The following ALDH1L2 variants were observed in gnomAD, a reference collection of about 807,000 sequenced individuals.
ALDH1L2 encodes the protein mitochondrial 10-formyltetrahydrofolate dehydrogenase.
Under a neutral mutation model 111.0 loss-of-function variants are expected in ALDH1L2, and 91 were observed. That is an observed-to-expected ratio of 0.82 (90% confidence interval 0.69 to 0.98). The LOEUF (loss-of-function observed/expected upper bound fraction) is 0.98, where lower values mean the gene tolerates loss of function less well. ALDH1L2 is among the 50% of genes least tolerant of loss of function. The probability of loss-of-function intolerance (pLI) is 0.00; values close to 1 mark genes in which losing one functional copy is unlikely to be tolerated. For synonymous variants in ALDH1L2, 374 were observed against 392.6 expected (o/e 0.95, Z 0.56); for missense variants, 995 against 1,126.8 (o/e 0.88, Z 1.67).
At chr12:105,068,105 T>A (rs1363582127) in intron 4 of ALDH1L2, among the ~76,000 whole-genome samples, 2 of 152,200 alleles carry the variant, frequency 1.3e-5, no homozygotes, top group African/African-American at 4.8e-5. Flanking sequence ...AAAGCACTGC[T>A]TTCCTCTCTC....
In ALDH1L2 at chr12:105,052,743, C is replaced by G. The variant is rs1455780495; in HGVS notation, c.1407+69G>C. The stretch of plus-strand genomic sequence containing the variant: ...ATAAAAGGGCTTCTTAAGACTGCCT[C>G]TTTTACAATGGTGTATTAACTAAAA... On this transcript the variant is annotated intron_variant, in intron 11 of 22. Coordinates refer to ENST00000258494, the MANE Select transcript of ALDH1L2 (RefSeq NM_001034173.4). 9 of 1,591,128 alleles carry G rather than the reference C, an allele frequency of 5.7e-6. No homozygotes were observed. In the East Asian group the frequency reaches 2.0e-4, roughly 36 times the overall value.
Position 105,064,642 on chromosome 12 carries a change from TA to T in ALDH1L2, c.786+624del, listed in dbSNP as rs533463500. Among the ~76,000 whole-genome samples the T allele has an allele frequency of 2.1e-4, 32 of 152,206 alleles. No individual in the cohort carries two copies. In the South Asian group the frequency reaches 5.4e-3, roughly 26 times the overall value. ...AATATATGATGTGCGATGCCAGAGG[TA>T]GGCAGAGTGTTGCTGGAACCCAGAG... On this transcript the variant is annotated intron_variant, in intron 6 of 22. Transcript: ENST00000258494.
At chr12:105,062,843 G>T in intron 7 of ALDH1L2, 45 bp downstream of exon 7, 1 of 1,584,674 alleles carries the variant, frequency 6.3e-7, no homozygotes, top group Non-Finnish European at 8.6e-7. Context: ...GGTTATAGAA[G>T]AAAATCAAAA....
intron 10 of ALDH1L2, 76 bp from the exon 11 acceptor site, chr12:105,053,007 T>C: frequency 1.3e-6 from 2 of 1,514,972 alleles, no homozygotes; most frequent in Non-Finnish European, 1.8e-6. Flanking sequence ...TAAAGAAGCA[T>C]ATTCACGAAT....
intron 7 of ALDH1L2, 76 bp downstream of exon 7, chr12:105,062,812 A>T: frequency 6.5e-7 from 1 of 1,529,558 alleles, no homozygotes. Context: ...ATGGAGTGAA[A>T]GCTATTCCCT....
rs1172350454 is a variant in ALDH1L2, at chr12:105,024,302, G to A, written c.*122C>T. The A allele has an allele frequency of 9.5e-7, 1 of 1,054,510 alleles. No homozygotes were observed. The highest frequency in any genetic ancestry group is 1.5e-6 in the Non-Finnish European group (1 of 687,734). 65.3% of individuals were successfully genotyped at this position (1,054,510 alleles called of 1,614,324 possible). ...TTAACATGGCCTGGCCCTCTTCATG[G>A]TCCATCTGTGTATTTTTTGGTTTGT... is the stretch of plus-strand genomic sequence containing the variant. On this transcript the variant is annotated 3_prime_UTR_variant, in exon 23 of 23. Transcript: ENST00000258494.
chr12:105,066,489 G>T, intron 5 of ALDH1L2, 79 bp downstream of exon 5: 1 of 1,376,628 alleles, frequency 7.3e-7, no homozygotes, highest in South Asian at 1.2e-5. Context: ...CTTTTGGCAA[G>T]ATCATAGTAT....
intron 9 of ALDH1L2, chr12:105,060,347 T>A (rs1417847334): frequency 6.6e-6 from 1 of 152,142 alleles, no homozygotes; most frequent in Non-Finnish European, 1.5e-5. Context: ...TCAATTCTGA[T>A]GTCATATTGG....
intron 9 of ALDH1L2, among the ~76,000 whole-genome samples, chr12:105,059,225 C>A (rs1876832411): frequency 6.6e-6 from 1 of 151,394 alleles, no homozygotes; most frequent in Non-Finnish European, 1.5e-5. Context: ...CAAGATTGCG[C>A]CACTGCACTC....
chr12:105,053,258 C>T (rs1328514316), intron 10 of ALDH1L2, among the ~76,000 whole-genome samples: 1 of 152,208 alleles, frequency 6.6e-6, no homozygotes, highest in Non-Finnish European at 1.5e-5. Flanking sequence ...ATTGGTGGAG[C>T]GCAGCTGTTG....
At chr12:105,064,904 T>C (rs1454692557) in intron 6 of ALDH1L2, among the ~76,000 whole-genome samples, 2 of 152,224 alleles carry the variant, frequency 1.3e-5, no homozygotes, top group African/African-American at 4.8e-5. Flanking sequence ...CTCTGGGGCT[T>C]CACCTACTTG....
intron 6 of ALDH1L2, among the ~76,000 whole-genome samples, chr12:105,064,419 C>T (rs1877223803): frequency 6.6e-6 from 1 of 152,112 alleles, no homozygotes; most frequent in Non-Finnish European, 1.5e-5. Context: ...TAGAAGCATT[C>T]TGGCTTCAGA....
At chr12:105,072,933 C>T (rs1425336362) in intron 2 of ALDH1L2, among the ~76,000 whole-genome samples, 1 of 152,176 alleles carries the variant, frequency 6.6e-6, no homozygotes, top group Non-Finnish European at 1.5e-5. Flanking sequence ...GAGGTCGTGC[C>T]ACTGCACTCC....
chr12:105,063,898 A>C (rs1042407788), intron 6 of ALDH1L2, among the ~76,000 whole-genome samples: 5 of 152,156 alleles, frequency 3.3e-5, no homozygotes, highest in South Asian at 2.1e-4. Context: ...TGATTATGCT[A>C]TAATGGTTTG....
intron 17 of ALDH1L2, among the ~76,000 whole-genome samples, chr12:105,039,131 G>GT (rs1875366156): frequency 6.6e-6 from 1 of 151,888 alleles, no homozygotes; most frequent in South Asian, 2.1e-4. Context: ...TAGCTTTTGC[G>GT]TTGTTTAACA....
At chr12:105,071,072 T>C (rs567053138) in intron 2 of ALDH1L2, among the ~76,000 whole-genome samples, 2 of 152,320 alleles carry the variant, frequency 1.3e-5, no homozygotes, top group East Asian at 3.9e-4. Flanking sequence ...TTTTTCTTTT[T>C]TAGATCAAAA....
In ALDH1L2 at chr12:105,021,036, G is replaced by T. The variant is rs16890; in HGVS notation, c.*3388C>A. The T allele has an allele frequency of 0.23, 34,333 of 152,230 alleles. 5,356 individuals carry two copies. Among genetic ancestry groups the T allele is most frequent in the East Asian group, 0.5 (2,590 of 5,184 alleles). 9.4% of individuals were successfully genotyped at this position (152,230 alleles called of 1,614,324 possible). A position where few individuals can be genotyped will look rare whatever the true frequency, so the allele number is the denominator to read the frequency against. On this transcript the variant is annotated 3_prime_UTR_variant, in exon 23 of 23. Coordinates refer to ENST00000258494, the MANE Select transcript of ALDH1L2 (RefSeq NM_001034173.4). ...AATAAGGACAGAGGCCCTGAGGCAG[G>T]AGCAGGCTTGTTCTGTTGAGGAAGT... is the stretch of plus-strand genomic sequence containing the variant.
intron 10 of ALDH1L2, among the ~76,000 whole-genome samples, chr12:105,053,735 G>GT (rs1370171928): frequency 2.6e-5 from 4 of 152,012 alleles, no homozygotes; most frequent in African/African-American, 9.7e-5. Context: ...GAATTGATGT[G>GT]TTCAGTGTCT....
At chr12:105,058,440 A>T (rs980183069) in intron 9 of ALDH1L2, among the ~76,000 whole-genome samples, 24 of 152,232 alleles carry the variant, frequency 1.6e-4, no homozygotes, top group African/African-American at 5.5e-4. Flanking sequence ...TTAAAACTTT[A>T]TCCATGACTA....
Sources: allele counts gnomAD v4.1 joint callset (sites outside exome capture counted in the v4.1 genomes callset), GRCh38; gene constraint gnomAD v4.1.1; transcripts MANE v1.5; gene names NCBI Gene and HGNC (gene_info 2026-07-23, HGNC 2026-07-21).